SLC2A11: variants seen among roughly 807,000 people sequenced by gnomAD.
SLC2A11 encodes solute carrier family 2 member 11.
Under a neutral mutation model 52.1 loss-of-function variants are expected in SLC2A11, and 43 were observed. That is an observed-to-expected ratio of 0.82 (90% CI 0.65 to 1.06). The LOEUF is 1.06. Ranked by LOEUF, SLC2A11 falls within the 50% of genes least tolerant of loss-of-function variation. The pLI is 0.00. For synonymous variants in SLC2A11, 261 were observed against 277.6 expected (o/e 0.94, Z 0.59); for missense variants, 582 against 654.2 (o/e 0.89, Z 1.20).
intron 2 of SLC2A11, chr22:23,868,162 T>C: frequency 2.5e-6 from 1 of 397,052 alleles, no homozygotes; most frequent in East Asian, 4.6e-5. Context: ...TTGCTTGATG[T>C]GGGAAAATAT....
chr22:23,857,204 C>A (rs562892108), upstream of SLC2A11: 3 of 768,250 alleles, frequency 3.9e-6, no homozygotes, highest in Non-Finnish European at 6.3e-6. Context: ...CAGGGAATCG[C>A]GCAGGGTTGC....
intron 8 of SLC2A11, chr22:23,883,257 G>A: frequency 2.8e-6 from 1 of 353,282 alleles, no homozygotes; most frequent in Non-Finnish European, 5.4e-6. Context: ...GCTGAGGTGG[G>A]ATCAGGAGTT....
chr22:23,877,954 T>TTCATTTA, intron 6 of SLC2A11, 85 bp downstream of exon 6: 2 of 1,438,142 alleles, frequency 1.4e-6, no homozygotes, highest in Non-Finnish European at 1.9e-6. Context: ...TTTCATAGGT[T>TTCATTTA]TCATTTATCA....
At chr22:23,877,014 G>A (rs371508211) in intron 4 of SLC2A11, 28 bp from the exon 5 acceptor site, 6 of 1,613,656 alleles carry the variant, frequency 3.7e-6, no homozygotes, top group Non-Finnish European at 3.4e-6. Flanking sequence ...GCTGGTGGCT[G>A]ACGTGCCTCT....
At chr22:23,858,696 C>G (rs1196671123) in intron 1 of SLC2A11, among the ~76,000 whole-genome samples, 1 of 152,158 alleles carries the variant, frequency 6.6e-6, no homozygotes, top group Non-Finnish European at 1.5e-5. Flanking sequence ...GAGACCTTGT[C>G]TCTAAAAAAT....
In SLC2A11 at chr22:23,882,558, G is replaced by T; in HGVS notation, c.794G>T (p.Trp265Leu). Residue 265 changes from tryptophan to leucine, a missense_variant, in exon 7 of 12, where the codon TGG becomes TTG. Coordinates refer to ENST00000316185, the MANE Select transcript of SLC2A11 (RefSeq NM_001024939.4). ...CAGGGCTGCCGTGCCCGGCGCCCAT[G>T]GGAGCTGTTCCAGCATCGGGCCCTG... ...ACQGCRARRP[W>L]ELFQHRALRR... 1 of 1,612,094 alleles carries T rather than the reference G, an allele frequency of 6.2e-7. No individual in the cohort carries two copies. The highest frequency in any genetic ancestry group is 8.5e-7 in the Non-Finnish European group (1 of 1,179,364).
At chr22:23,880,497 G>T (rs2146139703) in intron 6 of SLC2A11, 1 of 152,230 alleles carries the variant, frequency 6.6e-6, no homozygotes, top group African/African-American at 2.4e-5. Context: ...CTGGTATTTA[G>T]GGTATGTCAG....
chr22:23,860,704 G>A (rs574345783), intron 1 of SLC2A11, among the ~76,000 whole-genome samples: 3 of 146,180 alleles, frequency 2.1e-5, no homozygotes, highest in Admixed American at 1.4e-4. Context: ...TTGCACTCCA[G>A]CCTGGGCGGC....
Position 23,857,924 on chromosome 22 carries a change from TG to T in SLC2A11, c.-75del. On this transcript the variant is annotated 5_prime_UTR_variant, in exon 1 of 12. Transcript: ENST00000316185. ...GCTGCCCTTCCCTCCGCGCACAGGC[TG>T]CCGGCTCACCGCTTGCTAATGGCAG... is the stretch of plus-strand genomic sequence containing the variant. The T allele has an allele frequency of 6.3e-7, 1 of 1,588,720 alleles. No homozygotes were observed. The highest frequency in any genetic ancestry group is 8.6e-7 in the Non-Finnish European group (1 of 1,168,668).
chr22:23,874,710 C>T (rs1037772035), intron 3 of SLC2A11, among the ~76,000 whole-genome samples: 2 of 152,076 alleles, frequency 1.3e-5, no homozygotes, highest in Non-Finnish European at 2.9e-5. Context: ...CCTCAGCATC[C>T]CAAAGTGCTG....
chr22:23,857,860 C>T, upstream of SLC2A11: 1 of 1,526,152 alleles, frequency 6.6e-7, no homozygotes. Context: ...ACGCTCACTG[C>T]GCGTGCGCTA....
At position 23,857,881 on chromosome 22, in the gene SLC2A11, C is replaced by T. The variant is rs1276816054; in HGVS notation, c.-119C>T. ...ACTGCGCGTGCGCTAGCGCCTCTTTCACCACTGGGCGCTGCGCGCTGCCCT... is the reference window on the plus strand; with the variant it reads ...ACTGCGCGTGCGCTAGCGCCTCTTTTACCACTGGGCGCTGCGCGCTGCCCT... On this transcript the variant is annotated 5_prime_UTR_variant, in exon 1 of 12. Coordinates refer to ENST00000316185, the MANE Select transcript of SLC2A11 (RefSeq NM_001024939.4). 6.5e-7 allele frequency: 1 copy of T among 1,550,116 alleles called. No homozygotes were observed. The highest frequency in any genetic ancestry group is 8.7e-7 in the Non-Finnish European group (1 of 1,149,522).
chr22:23,880,258 CAAAAAAAAAA>C (rs60165299), intron 6 of SLC2A11, among the ~76,000 whole-genome samples: 14 of 41,930 alleles, frequency 3.3e-4, no homozygotes, highest in Non-Finnish European at 5.1e-4. Flanking sequence ...GACTCCATCT[CAAAAAAAAAA>C]AAAAAAAAAA....
Position 23,884,804 on chromosome 22 carries a change from C to T in SLC2A11, c.1455C>T (p.Gly485=). ...HRLNFPRRAQ[G]PTWRSLEVIQ... ...TCAACTTCCCCAGGCGGGCCCAGGG[C>T]CCCACGTGGAGGAGCCTGGAGGTTA... The change falls in exon 12 of 12, where the codon GGC becomes GGT. Residue 485 remains glycine, a synonymous_variant. Transcript: ENST00000316185. The surrounding 1 kb of genome is among the most constrained non-coding windows in gnomAD (Gnocchi z 4.3). 6.2e-7 allele frequency: 1 copy of T among 1,614,180 alleles called. No homozygotes were observed.
Position 23,879,674 on chromosome 22 carries a change from A to T in SLC2A11, c.694+1805A>T, listed in dbSNP as rs1441535896. ...ATGTCACTATATTGATGCTGAACTT[A>T]GTGCAGACACCTGATCTGCCTAGCG... On this transcript the variant is annotated intron_variant, in intron 6 of 11. Coordinates refer to ENST00000316185, the MANE Select transcript of SLC2A11 (RefSeq NM_001024939.4). 3.3e-5 allele frequency: 5 copies of T among 151,780 alleles called. No homozygotes were observed. The South Asian group carries it at 1.0e-3, about 32-fold the overall frequency. The allele number at this position is 151,780 out of a possible 1,614,324, so 9.4% of individuals were successfully genotyped here. A position where few individuals can be genotyped will look rare whatever the true frequency, so the allele number is the denominator to read the frequency against.
intron 4 of SLC2A11, among the ~76,000 whole-genome samples, chr22:23,876,400 A>G (rs1049078769): frequency 1.3e-5 from 2 of 152,038 alleles, no homozygotes; most frequent in East Asian, 1.9e-4. Context: ...TCTTTGCCCA[A>G]CTCGTAGATA....
Position 23,857,882 on chromosome 22 carries a change from A to G in SLC2A11, c.-118A>G, listed in dbSNP as rs548546438. On this transcript the variant is annotated 5_prime_UTR_variant, in exon 1 of 12. Transcript: ENST00000316185. ...CTGCGCGTGCGCTAGCGCCTCTTTC[A>G]CCACTGGGCGCTGCGCGCTGCCCTT... 137 of 1,550,808 alleles carry G rather than the reference A, an allele frequency of 8.8e-5. No homozygotes were observed. The highest frequency in any genetic ancestry group is 2.0e-4 in the South Asian group (17 of 84,196).
intron 1 of SLC2A11, among the ~76,000 whole-genome samples, chr22:23,858,346 C>T (rs2031932292): frequency 6.6e-6 from 1 of 152,130 alleles, no homozygotes; most frequent in Non-Finnish European, 1.5e-5. Flanking sequence ...CCTGACTGCT[C>T]GCCCCCTCCC....
At position 23,868,854 on chromosome 22, in the gene SLC2A11, A is replaced by G. The variant is rs140743299; in HGVS notation, c.290+213A>G. On this transcript the variant is annotated intron_variant, in intron 3 of 11. Coordinates refer to ENST00000316185, the MANE Select transcript of SLC2A11 (RefSeq NM_001024939.4). ...AGTCCTGTGCTACAAGAGAGGGAGGACTCCTGGTTTCTAATTTCATGTCTG... is the reference window on the plus strand; with the variant it reads ...AGTCCTGTGCTACAAGAGAGGGAGGGCTCCTGGTTTCTAATTTCATGTCTG... 7.3e-4 allele frequency: 378 copies of G among 518,026 alleles called. 8 individuals are homozygous for G. The East Asian group carries it at 0.011, about 15-fold the overall frequency. 32.1% of individuals were successfully genotyped at this position (518,026 alleles called of 1,614,324 possible). A position where few individuals can be genotyped will look rare whatever the true frequency, so the allele number is the denominator to read the frequency against.
Sources: gnomAD v4.1 joint callset for allele counts (sites outside exome capture counted in the v4.1 genomes callset) on GRCh38, gnomAD v4.1.1 for gene constraint, Gnocchi (gnomAD v3.1) non-coding constraint, MANE v1.5 for transcripts, NCBI Gene and HGNC (gene_info 2026-07-23, HGNC 2026-07-21) for gene names.